TMEM51: variants seen among roughly 807,000 people sequenced by gnomAD.
TMEM51 encodes transmembrane protein 51, also known as chromosome 1 open reading frame 72.
TMEM51 carries 8 observed loss-of-function variants against 13.6 expected under a neutral mutation model. That is an observed-to-expected ratio of 0.59 (90% CI 0.35 to 1.07). The LOEUF (loss-of-function observed/expected upper bound fraction) is 1.07. TMEM51 is among the 50% of genes least tolerant of loss of function. TMEM51 has a pLI of 0.02. For synonymous variants in TMEM51, 147 were observed against 144.4 expected, an observed-to-expected ratio of 1.02 and a Z score of -0.13; for missense variants, 279 against 330.7, an observed-to-expected ratio of 0.84 and a Z score of 1.21.
chr1:15,208,746 G>T (rs796412816), intron 1 of TMEM51, among the ~76,000 whole-genome samples: 1 of 152,110 alleles, frequency 6.6e-6, no homozygotes, highest in East Asian at 1.9e-4. Context: ...TGGTGCCAAT[G>T]AGGAGCAGAA....
chr1:15,205,649 A>C (rs553863916), intron 1 of TMEM51, among the ~76,000 whole-genome samples: 1 of 152,274 alleles, frequency 6.6e-6, no homozygotes, highest in East Asian at 1.9e-4. Context: ...TCACTGTGTG[A>C]CCTTAGAAAA....
chr1:15,192,281 G>T (rs1643938967), intron 1 of TMEM51: 7 of 365,094 alleles, frequency 1.9e-5, no homozygotes, highest in South Asian at 1.7e-4. Context: ...GAAGGGAGTT[G>T]ATTGAATAAG....
At chr1:15,191,850 A>G in intron 1 of TMEM51, 1 of 483,420 alleles carries the variant, frequency 2.1e-6, no homozygotes, top group Non-Finnish European at 4.1e-6. Context: ...GCTATTAAAC[A>G]GCCAGAAAGC....
intron 1 of TMEM51, among the ~76,000 whole-genome samples, chr1:15,189,685 T>C (rs1479752652): frequency 1.3e-5 from 2 of 152,302 alleles, no homozygotes; most frequent in Admixed American, 6.5e-5. Context: ...TCCCTCCTCT[T>C]ACAGCAGGGA....
chr1:15,186,162 T>C (rs1304694092), intron 1 of TMEM51, among the ~76,000 whole-genome samples: 1 of 152,106 alleles, frequency 6.6e-6, no homozygotes, highest in Non-Finnish European at 1.5e-5. Flanking sequence ...CTACTTGTTT[T>C]CCCAAACCCC....
rs1310341551 is a variant in TMEM51 at position 15,161,859 on chromosome 1, G to A, written c.-267+7905G>A. On this transcript the variant is annotated intron_variant, in intron 1 of 3. Transcript: ENST00000376008. This position sits in a 1 kb window ranked among gnomAD's most constrained non-coding sequence, Gnocchi z 4.0. ...CAGAAGAATGGCTTGAACCCGGGAG[G>A]CGGAGGTTGCAGTGAGCCGAGATGG... 6.6e-6 allele frequency among the ~76,000 whole-genome samples: 1 copy of A among 151,988 alleles called. No homozygotes were observed. The highest frequency in any genetic ancestry group is 1.5e-5 in the Non-Finnish European group (1 of 68,030).
upstream of TMEM51, chr1:15,153,590 G>T (rs1300790251): frequency 6.6e-6 from 1 of 152,040 alleles, no homozygotes; most frequent in Admixed American, 6.5e-5. Context: ...TGCCCGCCTC[G>T]CTCAGCTGCG....
At chr1:15,214,030 T>G (rs1245103986) in intron 2 of TMEM51, among the ~76,000 whole-genome samples, 1 of 151,750 alleles carries the variant, frequency 6.6e-6, no homozygotes, top group African/African-American at 2.4e-5. Context: ...TTTTTGTATT[T>G]TTAGTAGAGA....
chr1:15,164,930 G>A (rs929991751), intron 1 of TMEM51, among the ~76,000 whole-genome samples: 3 of 151,570 alleles, frequency 2.0e-5, no homozygotes, highest in Admixed American at 6.6e-5. Flanking sequence ...AGCCTCCCGA[G>A]TAGCTGGGAC....
intron 2 of TMEM51, among the ~76,000 whole-genome samples, 177 bp from the exon 3 acceptor site, chr1:15,214,710 TCTCGCAGC>T (rs1383804959): frequency 6.6e-6 from 1 of 152,198 alleles, no homozygotes; most frequent in Non-Finnish European, 1.5e-5. Context: ...CGGCCTCCCT[TCTCGCAGC>T]CTCGCACAAG....
At chr1:15,210,987 G>A (rs537985064) in intron 2 of TMEM51, among the ~76,000 whole-genome samples, 55 of 152,182 alleles carry the variant, frequency 3.6e-4, no homozygotes, top group East Asian at 1.4e-3. Flanking sequence ...CTACGCCACC[G>A]TTGCACACAT....
At chr1:15,154,734 G>C (rs1642528658) in intron 1 of TMEM51, among the ~76,000 whole-genome samples, 2 of 152,186 alleles carry the variant, frequency 1.3e-5, no homozygotes, top group South Asian at 4.1e-4. Context: ...GTGGGGGCGA[G>C]AGACCTGGCC....
rs3078881 is a variant in TMEM51 at position 15,193,575 on chromosome 1, CTTTTTT to C, written c.-266-16900_-266-16895del. 3.0e-3 allele frequency among the ~76,000 whole-genome samples: 348 copies of C among 114,638 alleles called. 3 individuals carry two copies. Among genetic ancestry groups the C allele is most frequent in the Admixed American group, 5.7e-3 (64 of 11,244 alleles). The allele number at this position is 114,638 out of a possible 152,430, so 75.2% of individuals were successfully genotyped here. A position where few individuals can be genotyped will look rare whatever the true frequency, so the allele number is the denominator to read the frequency against. ...CATTTTCTTTTTCTTTTCTTTCTTT[CTTTTTT>C]TTTTTTTTTTTTTTGAGACAGGGTC... On this transcript the variant is annotated intron_variant, in intron 1 of 3. Coordinates refer to ENST00000376008, the MANE Select transcript of TMEM51 (RefSeq NM_001136218.2).
intron 1 of TMEM51, among the ~76,000 whole-genome samples, chr1:15,185,307 C>A (rs538551112): frequency 6.6e-6 from 1 of 152,176 alleles, no homozygotes; most frequent in Admixed American, 6.5e-5. Context: ...GATATTTTTT[C>A]TTTTTCTCCA....
chr1:15,190,782 G>GATTTGT (rs1264602275), intron 1 of TMEM51, among the ~76,000 whole-genome samples: 2 of 151,878 alleles, frequency 1.3e-5, no homozygotes, highest in Non-Finnish European at 2.9e-5. Flanking sequence ...TTGGTTTTTT[G>GATTTGT]TTTTGTTTTT....
chr1:15,178,316 C>A (rs1255666010), intron 1 of TMEM51, among the ~76,000 whole-genome samples: 1 of 152,132 alleles, frequency 6.6e-6, no homozygotes, highest in Non-Finnish European at 1.5e-5. Flanking sequence ...CCCACCCCAC[C>A]TGTCTCTATA....
At chr1:15,155,948 G>T (rs975039995) in intron 1 of TMEM51, among the ~76,000 whole-genome samples, 14 of 152,178 alleles carry the variant, frequency 9.2e-5, no homozygotes, top group Non-Finnish European at 2.9e-5. Context: ...AGTTGGCGAG[G>T]ATCCTAGAGA....
chr1:15,155,813 G>C (rs896037448), intron 1 of TMEM51, among the ~76,000 whole-genome samples: 1 of 152,172 alleles, frequency 6.6e-6, no homozygotes, highest in South Asian at 2.1e-4. Flanking sequence ...TGGGCCAGGC[G>C]CTGTTCTAGG....
chr1:15,193,749 G>T (rs1280247768), intron 1 of TMEM51, among the ~76,000 whole-genome samples: 2 of 152,062 alleles, frequency 1.3e-5, no homozygotes, highest in African/African-American at 4.8e-5. Flanking sequence ...TAGAGACAGG[G>T]TTTCACCATG....
Sources: allele counts gnomAD v4.1 joint callset (sites outside exome capture counted in the v4.1 genomes callset), GRCh38; gene constraint gnomAD v4.1.1; non-coding constraint Gnocchi (gnomAD v3.1); transcripts MANE v1.5; gene names NCBI Gene and HGNC (gene_info 2026-07-23, HGNC 2026-07-21).